Variants in USP26 observed in about 807,000 individuals in gnomAD.
USP26 encodes ubiquitin carboxyl-terminal hydrolase 26.
For synonymous variants in USP26, 236 were observed against 240.6 expected (o/e 0.98, Z 0.18); for missense variants, 649 against 642.3 (o/e 1.01, Z -0.11).
At chrX:133,049,508 A>G (rs2067451893) in intron 5 of USP26, among the ~76,000 whole-genome samples, 1 of 112,408 alleles carries the variant, frequency 8.9e-6, no homozygotes, top group African/African-American at 3.2e-5. Context: ...TCTAGAAGAA[A>G]CCAAGATCTT....
intron 5 of USP26, among the ~76,000 whole-genome samples, chrX:133,081,172 T>C (rs1191310747): frequency 5.4e-5 from 6 of 110,521 alleles, no homozygotes; most frequent in African/African-American, 2.0e-4. Flanking sequence ...AAATTCGTAG[T>C]TAAAACACCT....
rs1326246373 is a variant in USP26 at position 133,026,018 on chromosome X, C to A, written c.2203G>T (p.Val735Leu). The A allele has an allele frequency of 5.8e-6, 7 of 1,208,251 alleles. No homozygotes were observed. The Admixed American group carries it at 1.5e-4, about 27-fold the overall frequency. The change falls in exon 6 of 6, where the codon GTG becomes TTG. Residue 735 changes from valine (V) to leucine (L), a missense_variant. By Grantham distance (32) the Val-to-Leu change is conservative. Transcript: ENST00000511190. ...TCACACTGCTGAGTCTGTTCAGACA[C>A]TTTTTGGAATCTTTCTGGAATTCTG... ...NIRIPERFQK[V>L]SEQTQQCDGM...
intron 2 of USP26, 40 bp downstream of exon 2, chrX:133,091,313 G>A (rs868105299): frequency 1.3e-4 from 15 of 111,403 alleles, no homozygotes; most frequent in African/African-American, 4.9e-4. Flanking sequence ...GTATATATAA[G>A]GCTGGCTTTC....
intron 5 of USP26, among the ~76,000 whole-genome samples, chrX:133,071,737 T>A (rs1177578128): frequency 2.7e-5 from 3 of 111,939 alleles, no homozygotes; most frequent in African/African-American, 9.8e-5. Context: ...AGTGAGAGCA[T>A]TTTTCTCTTT....
intron 5 of USP26, among the ~76,000 whole-genome samples, chrX:133,033,128 T>A: frequency 9.0e-6 from 1 of 111,349 alleles, no homozygotes; most frequent in Non-Finnish European, 1.9e-5. Flanking sequence ...CCCTTTTTTT[T>A]ACCCTCCCAA....
intron 4 of USP26, among the ~76,000 whole-genome samples, chrX:133,086,131 T>A (rs1014303493): frequency 1.8e-5 from 2 of 111,762 alleles, no homozygotes; most frequent in Non-Finnish European, 3.8e-5. Flanking sequence ...AATGAATGAA[T>A]ACAAAATATT....
At position 133,023,698 on chromosome X, in the gene USP26, C is replaced by A. The variant is rs1447206831; in HGVS notation, c.*1781G>T. ...TTAGCAATCTTCAGGTCTCATAAGA[C>A]CTCCTTCTAGATAAACTGTGTTCTG... is the stretch of plus-strand genomic sequence containing the variant. On this transcript the variant is annotated 3_prime_UTR_variant, in exon 6 of 6. Coordinates refer to ENST00000511190, the MANE Select transcript of USP26 (RefSeq NM_031907.3). Among the ~76,000 whole-genome samples, 1 of 111,571 alleles carries A rather than the reference C, an allele frequency of 9.0e-6. No individual in the cohort carries two copies. The highest frequency in any genetic ancestry group is 2.8e-4 in the East Asian group (1 of 3,529).
chrX:133,064,737 G>T (rs1008960764), intron 5 of USP26, among the ~76,000 whole-genome samples: 1 of 111,727 alleles, frequency 9.0e-6, no homozygotes, highest in African/African-American at 3.3e-5. Flanking sequence ...AGTATTAAGA[G>T]AGAAATTTAT....
In USP26 at chrX:133,084,354, C is replaced by A. The variant is rs189717331; in HGVS notation, c.-141-583G>T. Among the ~76,000 whole-genome samples, 27 of 110,037 alleles carry A rather than the reference C, an allele frequency of 2.5e-4. No homozygotes were observed. The East Asian group carries it at 7.5e-3, about 31-fold the overall frequency. On this transcript the variant is annotated intron_variant, in intron 4 of 5. Transcript: ENST00000511190. ...GCTGGGACTACAGGCGTGACACCAC[C>A]CCCAGCTAATTTTTTAAAATTTTTT...
At position 133,026,450 on chromosome X, in the gene USP26, T is replaced by C; in HGVS notation, c.1771A>G (p.Thr591Ala). 2 of 1,209,196 alleles carry C rather than the reference T, an allele frequency of 1.7e-6. No homozygotes were observed. The highest frequency in any genetic ancestry group is 2.2e-6 in the Non-Finnish European group (2 of 894,916). ...SGNISVSWPA[T>A]KESKDILAPH... Reference sequence around the variant, plus strand: ...GCCAGGATATCTTTGGATTCCTTTGTTGCAGGCCATGATACACTGATGTTT... The same window carrying C: ...GCCAGGATATCTTTGGATTCCTTTGCTGCAGGCCATGATACACTGATGTTT... The change falls in exon 6 of 6, where the codon ACA becomes GCA. Residue 591 changes from threonine (T) to alanine (A), a missense_variant. Thr to Ala is a moderately conservative substitution (Grantham distance 58). Transcript: ENST00000511190.
chrX:133,096,328 A>G (rs1390390988), intron 1 of USP26, among the ~76,000 whole-genome samples: 1 of 110,629 alleles, frequency 9.0e-6, no homozygotes, highest in African/African-American at 3.3e-5. Context: ...TAAAAATGCA[A>G]AATAGCGAAT....
chrX:133,024,509 GACTTGGCGTTT>G lies in USP26; in HGVS notation c.*959_*969del, dbSNP rs2067336774. The G allele has an allele frequency of 8.9e-6, 1 of 111,759 alleles. No homozygotes were observed. The allele number at this position is 111,759 out of a possible 1,213,427, so 9.2% of individuals were successfully genotyped here. ...TAAAAGCAAATCAATCTGGAGATTTGACTTGGCGTTTAGCCTCATCTATATATGCCCAAGAG... is the reference window on the plus strand; with the variant it reads ...TAAAAGCAAATCAATCTGGAGATTTGAGCCTCATCTATATATGCCCAAGAG... On this transcript the variant is annotated 3_prime_UTR_variant, in exon 6 of 6. Coordinates refer to ENST00000511190, the MANE Select transcript of USP26 (RefSeq NM_031907.3).
chrX:133,037,253 C>T lies in USP26; in HGVS notation c.-76-8957G>A, dbSNP rs775934000. 5.4e-5 allele frequency among the ~76,000 whole-genome samples: 6 copies of T among 111,624 alleles called. No homozygotes were observed. In the East Asian group the frequency reaches 1.4e-3, roughly 26 times the overall value. The stretch of plus-strand genomic sequence containing the variant: ...TTTAGTCATGAAGTCTTCGCCCATA[C>T]CTATGTCCTGAATGGTATTGCCTAG... On this transcript the variant is annotated intron_variant, in intron 5 of 5. Transcript: ENST00000511190.
chrX:133,067,185 A>C (rs188224416), intron 5 of USP26, among the ~76,000 whole-genome samples: 371 of 112,878 alleles, frequency 3.3e-3, no homozygotes, highest in African/African-American at 0.011. Flanking sequence ...ATACCATCTC[A>C]CACCAATTAG....
chrX:133,096,037 G>A (rs1263826931), intron 1 of USP26, among the ~76,000 whole-genome samples: 2 of 97,658 alleles, frequency 2.0e-5, no homozygotes, highest in Non-Finnish European at 4.1e-5. Context: ...GAGCCACGGC[G>A]CCCGGCCTAA....
At chrX:133,080,561 G>T (rs1382298392) in intron 5 of USP26, among the ~76,000 whole-genome samples, 2 of 111,031 alleles carry the variant, frequency 1.8e-5, no homozygotes, top group Admixed American at 1.9e-4. Flanking sequence ...ATTAAGTGAG[G>T]AGTTTAAGAT....
intron 5 of USP26, among the ~76,000 whole-genome samples, chrX:133,062,693 G>A (rs2067497488): frequency 1.8e-5 from 2 of 110,636 alleles, no homozygotes; most frequent in African/African-American, 6.6e-5. Flanking sequence ...AACTAACAAA[G>A]AGAAAGCAAT....
At position 133,026,581 on chromosome X, in the gene USP26, AC is replaced by A; in HGVS notation, c.1639del (p.Val547CysfsTer15). 8.3e-7 allele frequency: 1 copy of A among 1,207,591 alleles called. No homozygotes were observed. Among genetic ancestry groups the A allele is most frequent in the Non-Finnish European group, 1.1e-6 (1 of 893,863 alleles). ...QEVIISKYLK[V>X]SSHCNEGTRP... ...GGTGCCTTCATTGCAATGAGAAGAC[AC>A]CTTTAAATATTTGGAAATGATGACT... On this transcript the variant is annotated frameshift_variant, in exon 6 of 6. Transcript: ENST00000511190. LOFTEE classifies it low-confidence loss of function (END_TRUNC).
At chrX:133,086,762 A>C (rs1479554563) in intron 4 of USP26, among the ~76,000 whole-genome samples, 1 of 106,914 alleles carries the variant, frequency 9.4e-6, no homozygotes, top group Non-Finnish European at 1.9e-5. Flanking sequence ...AAATACAAAA[A>C]AATTAGCCAG....
Sources: allele counts gnomAD v4.1 joint callset (sites outside exome capture counted in the v4.1 genomes callset), GRCh38; gene constraint gnomAD v4.1.1; transcripts MANE v1.5; gene names NCBI Gene and HGNC (gene_info 2026-07-23, HGNC 2026-07-21).